The following MYO5B variants were observed in gnomAD, a reference collection of about 807,000 sequenced individuals.
MYO5B encodes myosin VB.
A neutral mutation model predicts 229.3 loss-of-function variants in MYO5B; 143 were observed. That is an observed-to-expected ratio of 0.62 (90% CI 0.54 to 0.72). MYO5B has a LOEUF of 0.72. Ranked by LOEUF, MYO5B falls within the 30% of genes least tolerant of loss-of-function variation. The probability of loss-of-function intolerance (pLI) is 0.00; values close to 1 mark genes in which losing one functional copy is unlikely to be tolerated. For missense variants in MYO5B, 2,321 were observed against 2,331.0 expected (o/e 1.00, Z 0.09); for synonymous variants, 918 against 885.2 (o/e 1.04, Z -0.66).
chr18:49,843,602 CACAA>C (rs1293582453), intron 33 of MYO5B, among the ~76,000 whole-genome samples: 7 of 152,228 alleles, frequency 4.6e-5, no homozygotes, highest in South Asian at 2.1e-4. Flanking sequence ...TGGTTAAAAA[CACAA>C]ACAAACAAAA....
At chr18:50,110,684 C>T (rs73430304) in intron 1 of MYO5B, among the ~76,000 whole-genome samples, 23,297 of 152,052 alleles carry the variant, frequency 0.15, 3,272 homozygotes, top group African/African-American at 0.38. Flanking sequence ...CAACTGAGGA[C>T]GGAAGTTAAG....
rs548455366 is a variant in MYO5B, at chr18:50,029,029, T to C, written c.455+7821A>G. 7.4e-4 allele frequency among the ~76,000 whole-genome samples: 113 copies of C among 152,366 alleles called. 2 individuals are homozygous for C. The highest frequency in any genetic ancestry group is 2.1e-4 in the South Asian group (1 of 4,830). On this transcript the variant is annotated intron_variant, in intron 4 of 39. Coordinates refer to ENST00000285039, the MANE Select transcript of MYO5B (RefSeq NM_001080467.3). ...AAAGGAGATGGCAATATCCATTTACTATCAGTTTCTTTTAAAATAGGAATG... is the reference window on the plus strand; with the variant it reads ...AAAGGAGATGGCAATATCCATTTACCATCAGTTTCTTTTAAAATAGGAATG...
At chr18:49,953,707 A>T (rs1026157412) in intron 13 of MYO5B, among the ~76,000 whole-genome samples, 27 of 152,304 alleles carry the variant, frequency 1.8e-4, no homozygotes, top group African/African-American at 6.3e-4. Flanking sequence ...AGTGCATAGC[A>T]AACAGAAATC....
chr18:50,105,239 ATAAATAAAT>A (rs901775169), intron 1 of MYO5B, among the ~76,000 whole-genome samples: 2 of 146,186 alleles, frequency 1.4e-5, no homozygotes, highest in African/African-American at 5.2e-5. Context: ...AAATAAATAA[ATAAATAAAT>A]AAAAAATAGA....
At chr18:49,946,220 T>C (rs1223702660) in intron 14 of MYO5B, 1 of 152,134 alleles carries the variant, frequency 6.6e-6, no homozygotes, top group Non-Finnish European at 1.5e-5. Context: ...TTTCAGATTT[T>C]GGAGAATTTA....
chr18:50,001,839 GGCTAA>G (rs1211393133), intron 4 of MYO5B, among the ~76,000 whole-genome samples: 7 of 152,004 alleles, frequency 4.6e-5, no homozygotes, highest in Non-Finnish European at 1.0e-4. Context: ...AGGCCATCCT[GGCTAA>G]CATGGTGAAA....
chr18:49,927,432 C>CA (rs1233368236), intron 17 of MYO5B, among the ~76,000 whole-genome samples: 8 of 137,578 alleles, frequency 5.8e-5, no homozygotes, highest in Non-Finnish European at 7.5e-5. Context: ...CTAGCAAAAA[C>CA]AAAAAAACAA....
chr18:50,109,573 C>T (rs530004461), intron 1 of MYO5B, among the ~76,000 whole-genome samples: 32 of 152,114 alleles, frequency 2.1e-4, no homozygotes, highest in Middle Eastern at 3.4e-3. Context: ...CTACAGGCGC[C>T]GCCACCATGC....
chr18:49,905,638 C>T (rs1235132972), intron 19 of MYO5B, among the ~76,000 whole-genome samples: 2 of 152,216 alleles, frequency 1.3e-5, no homozygotes, highest in African/African-American at 4.8e-5. Context: ...CCTCCAAACA[C>T]AAGACTTTGT....
At chr18:49,839,508 G>A in intron 35 of MYO5B, 1 of 611,348 alleles carries the variant, frequency 1.6e-6, no homozygotes, top group East Asian at 2.9e-5. Context: ...CAACATGAGA[G>A]AGAAAGCCTG....
intron 4 of MYO5B, among the ~76,000 whole-genome samples, chr18:50,029,266 G>A (rs2026363778): frequency 6.6e-6 from 1 of 152,152 alleles, no homozygotes; most frequent in Non-Finnish European, 1.5e-5. Context: ...GTCACAGAAC[G>A]AGAGACCCAG....
chr18:50,074,150 A>C (rs1321381338), intron 1 of MYO5B, among the ~76,000 whole-genome samples: 1 of 152,228 alleles, frequency 6.6e-6, no homozygotes, highest in Admixed American at 6.5e-5. Context: ...CACTTCTTAC[A>C]TGGCAGCAGC....
chr18:49,874,790 T>C (rs1210764526), intron 26 of MYO5B, among the ~76,000 whole-genome samples: 1 of 152,174 alleles, frequency 6.6e-6, no homozygotes, highest in Non-Finnish European at 1.5e-5. Context: ...CATGGCAGAA[T>C]TGGCCTTGTA....
intron 4 of MYO5B, among the ~76,000 whole-genome samples, chr18:50,010,695 C>T (rs960183055): frequency 2.6e-5 from 4 of 152,176 alleles, no homozygotes; most frequent in Admixed American, 1.3e-4. Flanking sequence ...TGATTTTATG[C>T]TTTTCAGACT....
At chr18:49,943,544 C>G (rs945270199) in intron 14 of MYO5B, among the ~76,000 whole-genome samples, 1 of 152,126 alleles carries the variant, frequency 6.6e-6, no homozygotes. Context: ...ATTCCATGTG[C>G]AGTCAAAGCA....
intron 9 of MYO5B, among the ~76,000 whole-genome samples, chr18:49,976,198 A>C (rs1352346516): frequency 2.0e-5 from 3 of 152,150 alleles, no homozygotes; most frequent in Non-Finnish European, 4.4e-5. Flanking sequence ...TGCTTGTGGG[A>C]CTCATTTTCT....
At chr18:49,889,587 T>C (rs2024684918) in intron 22 of MYO5B, among the ~76,000 whole-genome samples, 1 of 152,218 alleles carries the variant, frequency 6.6e-6, no homozygotes, top group African/African-American at 2.4e-5. Flanking sequence ...AGCAAAACTT[T>C]GCTTCTCCTT....
rs189409089 is a variant in MYO5B, at chr18:50,033,560, A to T, written c.455+3290T>A. ...GCCTATCAAATAACTGATACTTTAT[A>T]AACATCTGCTGATAATGATTTGATG... On this transcript the variant is annotated intron_variant, in intron 4 of 39. Transcript: ENST00000285039. Among the ~76,000 whole-genome samples, 877 of 152,252 alleles carry T rather than the reference A, an allele frequency of 5.8e-3. 7 individuals carry two copies. The highest frequency in any genetic ancestry group is 0.02 in the African/African-American group (820 of 41,528).
chr18:50,067,617 T>C (rs2030854183), intron 1 of MYO5B, among the ~76,000 whole-genome samples: 1 of 152,202 alleles, frequency 6.6e-6, no homozygotes, highest in Non-Finnish European at 1.5e-5. Flanking sequence ...GTTCTCACTC[T>C]TAGTTTCCGT....
Sources: gnomAD v4.1 joint callset for allele counts (sites outside exome capture counted in the v4.1 genomes callset) on GRCh38, gnomAD v4.1.1 for gene constraint, MANE v1.5 for transcripts, NCBI Gene and HGNC (gene_info 2026-07-23, HGNC 2026-07-21) for gene names.